ABCA9: variants seen among roughly 807,000 people sequenced by gnomAD.
ABCA9 encodes the protein ATP-binding cassette sub-family A member 9.
In ABCA9, 183 loss-of-function variants were observed where a neutral mutation model predicts 205.3. That is an observed-to-expected ratio of 0.89 (90% confidence interval 0.79 to 1.01). The LOEUF is 1.01. Ranked by LOEUF, ABCA9 falls within the 50% of genes least tolerant of loss-of-function variation. The pLI is 0.00. For synonymous variants in ABCA9, 651 were observed against 683.3 expected (o/e 0.95, Z 0.74); for missense variants, 1,805 against 1,912.4 (o/e 0.94, Z 1.05).
chr17:69,060,921 A>G lies in ABCA9; in HGVS notation c.-69T>C. The G allele has an allele frequency of 1.0e-6, 1 of 985,440 alleles. No homozygotes were observed. The highest frequency in any genetic ancestry group is 1.7e-5 in the African/African-American group (1 of 57,358). 61.0% of individuals were successfully genotyped at this position (985,440 alleles called of 1,614,324 possible). A position where few individuals can be genotyped will look rare whatever the true frequency, so the allele number is the denominator to read the frequency against. ...ACACAGTTCATCCATGGGTCTCTGC[A>G]TGTTCTGGAGGAGAATTCACATTCC... On this transcript the variant is annotated 5_prime_UTR_variant, in exon 1 of 39. An upstream start codon of the reference 5' UTR is lost. Transcript: ENST00000340001.
intron 25 of ABCA9, among the ~76,000 whole-genome samples, chr17:69,000,520 G>T (rs1383088926): frequency 2.9e-4 from 43 of 149,428 alleles, no homozygotes; most frequent in Non-Finnish European, 4.6e-4. Flanking sequence ...TGCTGTTTTG[G>T]TTACTGTAGC....
chr17:68,983,662 G>A (rs2069134222), intron 36 of ABCA9, 47 bp downstream of exon 36: 2 of 1,601,340 alleles, frequency 1.2e-6, no homozygotes, highest in Admixed American at 3.5e-5. Flanking sequence ...GCAGAAATAT[G>A]GAAACAAAAA....
Position 69,033,739 on chromosome 17 carries a change from G to T in ABCA9, c.1263C>A (p.Asp421Glu), listed in dbSNP as rs1405895757. Reference protein sequence around the residue: ...LLYLVLTLYFDKILPAEYGHR... With the variant: ...LLYLVLTLYFEKILPAEYGHR... The stretch of plus-strand genomic sequence containing the variant: ...GTTAGTACTTACCGGGCAAAATTTT[G>T]TCAAAATATAATGTCAATACCAAAT... The change falls in exon 9 of 39, where the codon GAC (aspartate) becomes GAA (glutamate). Residue 421 changes from aspartate (D) to glutamate (E), a missense_variant. Coordinates refer to ENST00000340001, the MANE Select transcript of ABCA9 (RefSeq NM_080283.4). 2 of 1,606,606 alleles carry T rather than the reference G, an allele frequency of 1.2e-6. No individual in the cohort carries two copies. Among genetic ancestry groups the T allele is most frequent in the East Asian group, 4.5e-5 (2 of 44,648 alleles).
chr17:69,067,206 T>G, the ABCA9 span, among the ~76,000 whole-genome samples: 1 of 152,034 alleles, frequency 6.6e-6, no homozygotes, highest in Non-Finnish European at 1.5e-5. Context: ...GAAATTTTCT[T>G]AATATATAAT....
chr17:68,992,223 A>G lies in ABCA9; in HGVS notation c.3668T>C (p.Leu1223Pro). ...FLIFLFILRCLEMNCRKKLMR... is the reference protein window; with the variant it reads ...FLIFLFILRCPEMNCRKKLMR... ...TAGTTTCTTCCTGCAGTTCATTTCT[A>G]GGCATCGCAGAATGAAAAGAAAAAT... is the stretch of plus-strand genomic sequence containing the variant. Residue 1223 changes from leucine (L) to proline (P), a missense_variant, in exon 28 of 39, where the codon CTA becomes CCA. Physicochemically the swap from Leu to Pro is moderately conservative, Grantham distance 98 (BLOSUM62 -3). Transcript: ENST00000340001. 1 of 1,601,860 alleles carries G rather than the reference A, an allele frequency of 6.2e-7. No individual in the cohort carries two copies. Among genetic ancestry groups the G allele is most frequent in the Non-Finnish European group, 8.5e-7 (1 of 1,173,668 alleles).
chr17:69,058,552 A>G (rs1371903399), intron 1 of ABCA9, among the ~76,000 whole-genome samples: 2 of 152,126 alleles, frequency 1.3e-5, no homozygotes, highest in African/African-American at 4.8e-5. Flanking sequence ...ATAAAGACTT[A>G]CCTGAGGCCA....
chr17:69,017,189 T>G (rs1300618427), intron 21 of ABCA9, among the ~76,000 whole-genome samples: 1 of 152,134 alleles, frequency 6.6e-6, no homozygotes, highest in African/African-American at 2.4e-5. Flanking sequence ...AGCTATGATT[T>G]ATGCATTTAA....
At chr17:68,988,636 A>T (rs2069329730) in intron 31 of ABCA9, among the ~76,000 whole-genome samples, 1 of 152,246 alleles carries the variant, frequency 6.6e-6, no homozygotes, top group Non-Finnish European at 1.5e-5. Flanking sequence ...ACAGTCATTA[A>T]ATATGAAGAC....
In ABCA9 at chr17:69,012,015, G is replaced by C; in HGVS notation, c.3108C>G (p.Phe1036Leu). The C allele has an allele frequency of 6.2e-7, 1 of 1,613,136 alleles. No individual in the cohort carries two copies. Among genetic ancestry groups the C allele is most frequent in the Non-Finnish European group, 8.5e-7 (1 of 1,179,514 alleles). Residue 1036 changes from phenylalanine (F) to leucine (L), a missense_variant, in exon 23 of 39, where the codon TTC becomes TTG. Transcript: ENST00000340001. ...TFFWIPMAAS[F>L]TPYIAMSSIG... ...TGCTGCTCATTGCAATGTATGGAGT[G>C]AAAGAGGCTGCCATCGGTATCCAGA...
At chr17:69,070,184 C>T in the ABCA9 span, among the ~76,000 whole-genome samples, 1 of 151,562 alleles carries the variant, frequency 6.6e-6, no homozygotes, top group Non-Finnish European at 1.5e-5. Flanking sequence ...GTAAAATATA[C>T]AGATAAAATA....
intron 2 of ABCA9, among the ~76,000 whole-genome samples, chr17:69,049,950 A>G (rs1171369950): frequency 6.6e-6 from 1 of 152,038 alleles, no homozygotes; most frequent in Non-Finnish European, 1.5e-5. Flanking sequence ...AAAAAAACAA[A>G]GTTTTTTTGA....
intron 8 of ABCA9, 146 bp downstream of exon 8, chr17:69,035,100 G>T: frequency 1.6e-6 from 1 of 642,708 alleles, no homozygotes; most frequent in Non-Finnish European, 2.3e-6. Context: ...CACTGAGAGA[G>T]AAAAATTAAA....
intron 37 of ABCA9, among the ~76,000 whole-genome samples, chr17:68,980,848 G>A (rs945644484): frequency 1.3e-5 from 2 of 151,232 alleles, no homozygotes; most frequent in Non-Finnish European, 2.9e-5. Context: ...ACACCAACAT[G>A]GCACATATAT....
rs72851720 is a variant in ABCA9, at chr17:68,975,523, A to G, written c.*392T>C. Reference sequence around the variant, plus strand: ...ATTGACTCCCCTTACCCGGAAGTCAATAGGGTGTCTTAATTTATACTTTAA... The same window carrying G: ...ATTGACTCCCCTTACCCGGAAGTCAGTAGGGTGTCTTAATTTATACTTTAA... On this transcript the variant is annotated 3_prime_UTR_variant, in exon 39 of 39. Transcript: ENST00000340001. The G allele has an allele frequency of 0.049, 7,613 of 154,370 alleles. 434 individuals carry two copies. Among genetic ancestry groups the G allele is most frequent in the African/African-American group, 0.14 (5,608 of 40,626 alleles). The allele number at this position is 154,370 out of a possible 1,614,324, so 9.6% of individuals were successfully genotyped here.
chr17:68,995,056 CT>C (rs2069572581), intron 26 of ABCA9, among the ~76,000 whole-genome samples: 1 of 152,186 alleles, frequency 6.6e-6, no homozygotes, highest in African/African-American at 2.4e-5. Context: ...TGCATTGACA[CT>C]TTCATTAAAA....
chr17:68,994,048 G>C (rs1469086495), intron 26 of ABCA9, among the ~76,000 whole-genome samples: 3 of 152,112 alleles, frequency 2.0e-5, no homozygotes, highest in Non-Finnish European at 2.9e-5. Flanking sequence ...GCTAATTTTT[G>C]TATTTTTAGT....
chr17:69,049,642 T>C (rs1288440413), intron 2 of ABCA9, 152 bp from the exon 3 acceptor site: 2 of 656,780 alleles, frequency 3.0e-6, no homozygotes, highest in East Asian at 2.8e-5. Flanking sequence ...ATTTTCTTTG[T>C]CCATTAATCT....
chr17:69,027,902 A>G (rs2071045348), intron 12 of ABCA9, 87 bp from the exon 13 acceptor site: 1 of 1,033,602 alleles, frequency 9.7e-7, no homozygotes, highest in Admixed American at 2.5e-5. Context: ...CTGTATGTCA[A>G]TTATTAGATT....
chr17:69,048,399 T>G (rs1266053544), intron 3 of ABCA9, among the ~76,000 whole-genome samples: 1 of 147,808 alleles, frequency 6.8e-6, no homozygotes, highest in Admixed American at 6.9e-5. Flanking sequence ...ATATTTTTCA[T>G]TTAATAACTT....
Sources: gnomAD v4.1 joint callset for allele counts (sites outside exome capture counted in the v4.1 genomes callset) on GRCh38, gnomAD v4.1.1 for gene constraint, MANE v1.5 for transcripts, NCBI Gene and HGNC (gene_info 2026-07-23, HGNC 2026-07-21) for gene names.